Variants in LRRC49 observed in about 807,000 individuals in gnomAD.
The protein encoded by LRRC49 is leucine-rich repeat-containing protein 49.
Under a neutral mutation model 83.3 loss-of-function variants are expected in LRRC49, and 50 were observed. That is an observed-to-expected ratio of 0.60 (90% CI 0.48 to 0.76). The LOEUF (loss-of-function observed/expected upper bound fraction) is 0.76. Among genes scored for constraint, LRRC49 ranks in the 30% least tolerant of loss-of-function variants. LRRC49 has a pLI of 0.00. For missense variants in LRRC49, 704 were observed against 809.1 expected (o/e 0.87, Z 1.58); for synonymous variants, 286 against 283.3 (o/e 1.01, Z -0.10).
intron 2 of LRRC49, among the ~76,000 whole-genome samples, chr15:70,886,378 A>G (rs540870354): frequency 6.6e-6 from 1 of 152,234 alleles, no homozygotes; most frequent in African/African-American, 2.4e-5. Flanking sequence ...TGTGAAACTT[A>G]GCTGCACCAT....
At chr15:71,038,914 T>C (rs1013480503) in intron 15 of LRRC49, among the ~76,000 whole-genome samples, 1 of 152,152 alleles carries the variant, frequency 6.6e-6, no homozygotes, top group African/African-American at 2.4e-5. Flanking sequence ...TGTAATATAC[T>C]AGGGCTATAA....
chr15:70,932,188 A>G (rs1304972554), intron 7 of LRRC49, among the ~76,000 whole-genome samples: 3 of 152,194 alleles, frequency 2.0e-5, no homozygotes, highest in Non-Finnish European at 2.9e-5. Flanking sequence ...CAAAAACCAG[A>G]TAAACCCATT....
intron 15 of LRRC49, among the ~76,000 whole-genome samples, chr15:71,044,501 C>T (rs566277629): frequency 6.6e-6 from 1 of 152,248 alleles, no homozygotes; most frequent in East Asian, 1.9e-4. Context: ...ACATCATAAG[C>T]ATTTGGGCCA....
intron 2 of LRRC49, among the ~76,000 whole-genome samples, chr15:70,875,128 C>T (rs892209237): frequency 1.3e-5 from 2 of 152,196 alleles, no homozygotes; most frequent in African/African-American, 4.8e-5. Flanking sequence ...GTTTCTTCAT[C>T]TACAAAATAA....
chr15:70,926,548 A>G (rs1159146147), intron 7 of LRRC49, among the ~76,000 whole-genome samples: 1 of 152,098 alleles, frequency 6.6e-6, no homozygotes, highest in East Asian at 1.9e-4. Context: ...TTTAAGTTTT[A>G]GGGTACATGT....
At position 70,875,704 on chromosome 15, in the gene LRRC49, A is replaced by G. The variant is rs988037750; in HGVS notation, c.18+2481A>G. Among the ~76,000 whole-genome samples, 3 of 152,230 alleles carry G rather than the reference A, an allele frequency of 2.0e-5. No individual in the cohort carries two copies. In the East Asian group the frequency reaches 5.8e-4, roughly 29 times the overall value. ...ACAGAAATATGTTGTAGGTACTAAA[A>G]TCACAATTTTGCATGGGAGTAGACT... is the stretch of plus-strand genomic sequence containing the variant. On this transcript the variant is annotated intron_variant, in intron 2 of 16. Transcript: ENST00000544974.
At chr15:70,892,998 G>A in intron 1 of LRRC49, 56 bp downstream of exon 1, 1 of 1,588,156 alleles carries the variant, frequency 6.3e-7, no homozygotes, top group Non-Finnish European at 8.6e-7. Flanking sequence ...TCTGACTGGC[G>A]TCTTTGTCCT....
At chr15:70,991,429 A>C (rs2141239913) in intron 11 of LRRC49, among the ~76,000 whole-genome samples, 1 of 152,382 alleles carries the variant, frequency 6.6e-6, no homozygotes, top group South Asian at 2.1e-4. Context: ...AAAATGGGAT[A>C]GTATTTGCAT....
chr15:70,966,783 G>A (rs1359853825), intron 9 of LRRC49, among the ~76,000 whole-genome samples: 7 of 152,044 alleles, frequency 4.6e-5, no homozygotes, highest in African/African-American at 1.2e-4. Context: ...TTGAACTCAC[G>A]AGTTTCTGTA....
chr15:70,964,843 A>G (rs1010755553), intron 9 of LRRC49, among the ~76,000 whole-genome samples: 1 of 152,160 alleles, frequency 6.6e-6, no homozygotes, highest in African/African-American at 2.4e-5. Flanking sequence ...TCTGTTGATC[A>G]CCTAGGTTTA....
intron 11 of LRRC49, among the ~76,000 whole-genome samples, chr15:70,998,882 T>C (rs2038165214): frequency 1.3e-5 from 2 of 152,170 alleles, no homozygotes; most frequent in Non-Finnish European, 2.9e-5. Context: ...CTTTATTCTT[T>C]ATTTAACCTC....
At chr15:71,006,308 T>C (rs765840924) in intron 11 of LRRC49, among the ~76,000 whole-genome samples, 1 of 152,152 alleles carries the variant, frequency 6.6e-6, no homozygotes, top group Non-Finnish European at 1.5e-5. Context: ...CTTTTAATTA[T>C]GTGGAAAAAG....
rs182905381 is a variant in LRRC49, at chr15:70,860,942, T to C, written c.-299+7473T>C. On this transcript the variant is annotated intron_variant, in intron 1 of 16. Coordinates refer to the LRRC49 transcript ENST00000544974. ...CTGGCCCTTCTGGGTTGTGTGTCTC[T>C]GGCTTTTTCCTCTACCCATTGGCTA... Among the ~76,000 whole-genome samples the C allele has an allele frequency of 3.5e-3, 537 of 152,330 alleles. 5 individuals are homozygous for C. Among genetic ancestry groups the C allele is most frequent in the African/African-American group, 0.012 (514 of 41,560 alleles).
chr15:70,954,941 G>T (rs1419363437), intron 8 of LRRC49, among the ~76,000 whole-genome samples: 1 of 152,112 alleles, frequency 6.6e-6, no homozygotes, highest in Non-Finnish European at 1.5e-5. Context: ...GGGCACTGAG[G>T]GTGGGAGGTG....
At chr15:70,950,975 G>C (rs1242373063) in intron 8 of LRRC49, among the ~76,000 whole-genome samples, 1 of 152,024 alleles carries the variant, frequency 6.6e-6, no homozygotes, top group Non-Finnish European at 1.5e-5. Flanking sequence ...TCTTCTGCAT[G>C]TGGCTAGCAA....
chr15:70,954,239 T>C (rs1017763923), intron 8 of LRRC49, among the ~76,000 whole-genome samples: 3 of 152,320 alleles, frequency 2.0e-5, no homozygotes, highest in Admixed American at 6.5e-5. Context: ...CTGCTTTTAA[T>C]GCATCCAATT....
intron 1 of LRRC49, among the ~76,000 whole-genome samples, chr15:70,861,786 A>C (rs1297161219): frequency 6.6e-6 from 1 of 152,160 alleles, no homozygotes; most frequent in Admixed American, 6.5e-5. Context: ...TTAGCCGGGC[A>C]TGGTGGTGTG....
At position 70,895,764 on chromosome 15, in the gene LRRC49, G is replaced by T. The variant is rs577395188; in HGVS notation, c.106-85G>T. On this transcript the variant is annotated intron_variant, in intron 2 of 15. Coordinates refer to ENST00000260382, the MANE Select transcript of LRRC49 (RefSeq NM_017691.5). ...CATCCACATTGTACCATGTGTATCA[G>T]TTATTATATGTTTTTTTAATTTATC... The T allele has an allele frequency of 6.3e-5, 47 of 746,232 alleles. No homozygotes were observed. In the African/African-American group the frequency reaches 7.4e-4, roughly 12 times the overall value. 46.2% of individuals were successfully genotyped at this position (746,232 alleles called of 1,614,324 possible).
intron 8 of LRRC49, among the ~76,000 whole-genome samples, chr15:70,945,257 A>G (rs1251280939): frequency 1.3e-5 from 2 of 152,152 alleles, no homozygotes; most frequent in Non-Finnish European, 2.9e-5. Flanking sequence ...GCCGAGATGA[A>G]CGTGGCTTTT....
Sources: gnomAD v4.1 joint callset for allele counts (sites outside exome capture counted in the v4.1 genomes callset) on GRCh38, gnomAD v4.1.1 for gene constraint, MANE v1.5 for transcripts, NCBI Gene and HGNC (gene_info 2026-07-23, HGNC 2026-07-21) for gene names.